The following SEMA3C variants were observed in gnomAD, a reference collection of about 807,000 sequenced individuals.
SEMA3C encodes semaphorin-3C.
A neutral mutation model predicts 89.4 loss-of-function variants in SEMA3C; 47 were observed. That is an observed-to-expected ratio of 0.53 (90% CI 0.42 to 0.67). SEMA3C has a LOEUF of 0.67. Ranked by LOEUF, SEMA3C falls within the 30% of genes least tolerant of loss-of-function variation. SEMA3C has a pLI of 0.00. For synonymous variants in SEMA3C, 310 were observed against 320.2 expected (o/e 0.97, Z 0.34); for missense variants, 839 against 929.1 (o/e 0.90, Z 1.26).
intron 17 of SEMA3C, among the ~76,000 whole-genome samples, chr7:80,747,212 T>C (rs1458994870): frequency 2.6e-5 from 4 of 152,050 alleles, no homozygotes; most frequent in Admixed American, 6.6e-5. Flanking sequence ...AAAGTCAAAA[T>C]AGTAATATTT....
At chr7:80,790,225 T>C (rs1321390015) in intron 11 of SEMA3C, among the ~76,000 whole-genome samples, 2 of 151,940 alleles carry the variant, frequency 1.3e-5, no homozygotes, top group Non-Finnish European at 2.9e-5. Flanking sequence ...CTGAGGCTGC[T>C]GTGAACTGTG....
Position 80,815,195 on chromosome 7 carries a change from C to A in SEMA3C, c.447+3104G>T, listed in dbSNP as rs141303982. On this transcript the variant is annotated intron_variant, in intron 5 of 17. Transcript: ENST00000265361. Reference sequence around the variant, plus strand: ...AGGTGGTGAAAAATTAAAAAGTAGGCATAGCAAAGTGTCCTATGGTCACAG... The same window carrying A: ...AGGTGGTGAAAAATTAAAAAGTAGGAATAGCAAAGTGTCCTATGGTCACAG... Among the ~76,000 whole-genome samples the A allele has an allele frequency of 5.2e-3, 790 of 152,080 alleles. 10 individuals carry two copies. Among genetic ancestry groups the A allele is most frequent in the African/African-American group, 0.018 (754 of 41,482 alleles).
intron 16 of SEMA3C, 134 bp from the exon 17 acceptor site, chr7:80,749,162 A>G (rs2117027987): frequency 1.1e-6 from 1 of 914,718 alleles, no homozygotes; most frequent in Non-Finnish European, 1.5e-6. Context: ...CCAGCAAAAA[A>G]CAGTGGTAAT....
chr7:80,750,853 C>T (rs1787918588), intron 16 of SEMA3C, among the ~76,000 whole-genome samples: 1 of 151,886 alleles, frequency 6.6e-6, no homozygotes, highest in Admixed American at 6.6e-5. Flanking sequence ...TGCTTAATGC[C>T]ACAGAACTGT....
chr7:80,891,928 A>T (rs1254153773), intron 2 of SEMA3C, among the ~76,000 whole-genome samples: 2 of 152,172 alleles, frequency 1.3e-5, no homozygotes, highest in African/African-American at 4.8e-5. Flanking sequence ...AAACAAGAAT[A>T]ATCAACCAGA....
chr7:80,791,896 T>C (rs1788948585), intron 11 of SEMA3C, among the ~76,000 whole-genome samples: 1 of 152,224 alleles, frequency 6.6e-6, no homozygotes, highest in Non-Finnish European at 1.5e-5. Context: ...ATCTCACTCA[T>C]TTAGACTGCA....
intron 2 of SEMA3C, among the ~76,000 whole-genome samples, chr7:80,876,216 A>C (rs994862267): frequency 6.6e-6 from 1 of 152,156 alleles, no homozygotes; most frequent in Admixed American, 6.5e-5. Context: ...AGAATTTTAG[A>C]TATTCTTATA....
chr7:80,880,601 C>T (rs1197726247), intron 2 of SEMA3C, among the ~76,000 whole-genome samples: 6 of 152,106 alleles, frequency 3.9e-5, no homozygotes, highest in Non-Finnish European at 8.8e-5. Context: ...CTTTTACTTC[C>T]CTCCATGTAT....
At chr7:80,794,438 T>G (rs1789014848) in intron 11 of SEMA3C, among the ~76,000 whole-genome samples, 1 of 152,264 alleles carries the variant, frequency 6.6e-6, no homozygotes, top group African/African-American at 2.4e-5. Context: ...GAAACATTCC[T>G]AACTGAATGT....
intron 2 of SEMA3C, among the ~76,000 whole-genome samples, chr7:80,910,475 T>C (rs1457375457): frequency 6.6e-6 from 1 of 152,206 alleles, no homozygotes; most frequent in Non-Finnish European, 1.5e-5. Context: ...CTACCTTCCA[T>C]GTGCCCTTCT....
chr7:80,759,323 G>T (rs569156008), intron 14 of SEMA3C, among the ~76,000 whole-genome samples: 1 of 152,240 alleles, frequency 6.6e-6, no homozygotes, highest in South Asian at 2.1e-4. Flanking sequence ...ATGGGTGTGT[G>T]TGTACTCCTC....
At chr7:80,791,403 C>T (rs1056653668) in intron 11 of SEMA3C, among the ~76,000 whole-genome samples, 1 of 152,140 alleles carries the variant, frequency 6.6e-6, no homozygotes, top group Non-Finnish European at 1.5e-5. Flanking sequence ...ATCTCTACTT[C>T]CAGAAACAAA....
intron 2 of SEMA3C, among the ~76,000 whole-genome samples, chr7:80,863,869 T>C (rs1583955289): frequency 6.9e-6 from 1 of 144,098 alleles, no homozygotes; most frequent in Non-Finnish European, 1.5e-5. Flanking sequence ...ATGTATCACA[T>C]ATATATGTAT....
At chr7:80,815,631 A>G (rs1022865548) in intron 5 of SEMA3C, among the ~76,000 whole-genome samples, 6 of 151,364 alleles carry the variant, frequency 4.0e-5, no homozygotes, top group African/African-American at 1.2e-4. Flanking sequence ...GTTATTTATC[A>G]AAGAACTTAA....
intron 2 of SEMA3C, among the ~76,000 whole-genome samples, chr7:80,847,618 T>C (rs539871115): frequency 2.6e-5 from 4 of 152,292 alleles, no homozygotes; most frequent in African/African-American, 7.2e-5. Flanking sequence ...ACAAACTCGC[T>C]TGGCATCCTC....
At chr7:80,746,725 G>GTGTGTGTGTGTGTGTA (rs1787809908) in intron 17 of SEMA3C, among the ~76,000 whole-genome samples, 2 of 151,178 alleles carry the variant, frequency 1.3e-5, no homozygotes, top group South Asian at 2.1e-4. Flanking sequence ...TGGGGTGTGT[G>GTGTGTGTGTGTGTGTA]TGTGTGTGTG....
At chr7:80,914,091 A>C (rs2116250477) in intron 2 of SEMA3C, among the ~76,000 whole-genome samples, 1 of 152,332 alleles carries the variant, frequency 6.6e-6, no homozygotes, top group South Asian at 2.1e-4. Context: ...TAAAACAAGT[A>C]ATGCAAATGA....
intron 2 of SEMA3C, among the ~76,000 whole-genome samples, chr7:80,879,759 T>C (rs765409447): frequency 6.6e-6 from 1 of 152,208 alleles, no homozygotes; most frequent in Non-Finnish European, 1.5e-5. Flanking sequence ...AAAGTTTTAG[T>C]GTAAAACACC....
chr7:80,899,663 A>G (rs895867015), intron 2 of SEMA3C, among the ~76,000 whole-genome samples: 14 of 152,182 alleles, frequency 9.2e-5, no homozygotes, highest in African/African-American at 3.4e-4. Context: ...CAGGCAAGTA[A>G]CATAAATTAG....
Sources: allele counts gnomAD v4.1 joint callset (sites outside exome capture counted in the v4.1 genomes callset), GRCh38; gene constraint gnomAD v4.1.1; transcripts MANE v1.5; gene names NCBI Gene and HGNC (gene_info 2026-07-23, HGNC 2026-07-21).